MYO3A: variants seen among roughly 807,000 people sequenced by gnomAD.
MYO3A encodes myosin IIIA.
In MYO3A, 180 loss-of-function variants were observed where a neutral mutation model predicts 192.7. The observed-to-expected ratio is 0.93, with a 90% CI of 0.83 to 1.06. The LOEUF is 1.06. MYO3A is among the 50% of genes least tolerant of loss of function. The pLI, the probability that MYO3A is intolerant of heterozygous loss-of-function variation, is 0.00. For missense variants in MYO3A, 1,896 were observed against 1,905.0 expected, an observed-to-expected ratio of 1.00 and a Z score of 0.09; for synonymous variants, 628 against 645.3, an observed-to-expected ratio of 0.97 and a Z score of 0.41.
intron 10 of MYO3A, among the ~76,000 whole-genome samples, chr10:26,058,135 C>T (rs1465390755): frequency 6.6e-6 from 1 of 152,324 alleles, no homozygotes; most frequent in East Asian, 1.9e-4. Context: ...TGTTCTCTGC[C>T]TATTCATCTC....
At chr10:25,942,985 G>A (rs1332323410) in intron 2 of MYO3A, among the ~76,000 whole-genome samples, 2 of 151,338 alleles carry the variant, frequency 1.3e-5, no homozygotes, top group African/African-American at 2.4e-5. Flanking sequence ...TCTTCTGCTT[G>A]TGCTTTTGGT....
chr10:26,109,832 G>A (rs1026416631), intron 17 of MYO3A, among the ~76,000 whole-genome samples: 3 of 152,156 alleles, frequency 2.0e-5, no homozygotes, highest in Admixed American at 1.3e-4. Context: ...GTTTCTAGAG[G>A]AATTAATTGC....
At chr10:25,977,589 T>G (rs1434074715) in intron 4 of MYO3A, among the ~76,000 whole-genome samples, 1 of 152,178 alleles carries the variant, frequency 6.6e-6, no homozygotes, top group African/African-American at 2.4e-5. Context: ...CCCTAATCTC[T>G]TAAAAATTAA....
chr10:26,095,339 C>G (rs904208148), intron 15 of MYO3A, among the ~76,000 whole-genome samples: 4 of 152,098 alleles, frequency 2.6e-5, no homozygotes, highest in African/African-American at 9.7e-5. Flanking sequence ...GCCTGTGAGC[C>G]TGGTGATAAT....
At chr10:26,040,534 AT>A (rs1339284445) in intron 10 of MYO3A, among the ~76,000 whole-genome samples, 1 of 152,160 alleles carries the variant, frequency 6.6e-6, no homozygotes, top group East Asian at 1.9e-4. Flanking sequence ...ATAGAATGTT[AT>A]CTTTTGTTTC....
chr10:26,007,787 C>T (rs567119459), intron 6 of MYO3A, among the ~76,000 whole-genome samples: 17 of 150,990 alleles, frequency 1.1e-4, no homozygotes, highest in South Asian at 6.3e-4. Flanking sequence ...GAATCAATAT[C>T]GTGAAAATGG....
intron 4 of MYO3A, among the ~76,000 whole-genome samples, chr10:25,968,803 C>T (rs1838422287): frequency 6.6e-6 from 1 of 152,198 alleles, no homozygotes; most frequent in East Asian, 1.9e-4. Context: ...CTGCTCCATC[C>T]CACCCAGAAT....
chr10:26,159,370 T>G (rs1052932300), intron 26 of MYO3A, among the ~76,000 whole-genome samples: 1 of 149,722 alleles, frequency 6.7e-6, no homozygotes, highest in Non-Finnish European at 1.5e-5. Context: ...TTTCTTTTTT[T>G]TTTTTTTTAG....
chr10:26,112,991 C>G (rs575876197), intron 17 of MYO3A, among the ~76,000 whole-genome samples: 72 of 152,172 alleles, frequency 4.7e-4, no homozygotes, highest in African/African-American at 1.4e-3. Flanking sequence ...GATGAGAATG[C>G]CTTTTTTCTG....
chr10:26,013,658 G>A (rs956632443), intron 6 of MYO3A, among the ~76,000 whole-genome samples: 4 of 151,962 alleles, frequency 2.6e-5, no homozygotes, highest in Admixed American at 6.6e-5. Context: ...ATACTTACAC[G>A]CTGCTGGTGA....
intron 10 of MYO3A, among the ~76,000 whole-genome samples, chr10:26,065,558 C>T (rs949143871): frequency 7.3e-6 from 1 of 136,514 alleles, no homozygotes; most frequent in Admixed American, 8.2e-5. Context: ...GCATTCCAGC[C>T]TGGGTGACAG....
At chr10:26,099,959 T>C (rs189048609) in intron 17 of MYO3A, among the ~76,000 whole-genome samples, 1 of 152,344 alleles carries the variant, frequency 6.6e-6, no homozygotes, top group East Asian at 1.9e-4. Flanking sequence ...TCTTTTTCTA[T>C]TGATAGGAAT....
intron 4 of MYO3A, among the ~76,000 whole-genome samples, chr10:25,989,367 T>A (rs1390092797): frequency 1.3e-5 from 2 of 152,062 alleles, no homozygotes; most frequent in African/African-American, 4.8e-5. Flanking sequence ...GTGGAGCCAG[T>A]CTGACCTTTT....
At chr10:26,002,717 A>AGTCAGGGTGGACCAGAT (rs1554800223) in intron 6 of MYO3A, among the ~76,000 whole-genome samples, 3 of 149,610 alleles carry the variant, frequency 2.0e-5, no homozygotes, top group Admixed American at 6.6e-5. Flanking sequence ...GAGGTAATTG[A>AGTCAGGGTGGACCAGAT]AAAAGGTTGC....
intron 31 of MYO3A, among the ~76,000 whole-genome samples, chr10:26,184,087 C>A (rs1216998939): frequency 1.3e-5 from 2 of 152,120 alleles, no homozygotes; most frequent in Non-Finnish European, 2.9e-5. Flanking sequence ...ACATGTCCGT[C>A]GGTGCTAAAG....
chr10:25,957,807 C>T (rs1277371896), intron 4 of MYO3A, among the ~76,000 whole-genome samples: 1 of 152,136 alleles, frequency 6.6e-6, no homozygotes, highest in African/African-American at 2.4e-5. Flanking sequence ...GAGACGGTAT[C>T]TCATTGTGTT....
intron 10 of MYO3A, among the ~76,000 whole-genome samples, chr10:26,039,458 A>G (rs1214188876): frequency 3.3e-5 from 5 of 151,792 alleles, no homozygotes; most frequent in African/African-American, 1.2e-4. Context: ...TTTGAGGAGG[A>G]TTGGCATTAG....
At chr10:26,019,460 G>C (rs1469981592) in intron 7 of MYO3A, among the ~76,000 whole-genome samples, 1 of 151,912 alleles carries the variant, frequency 6.6e-6, no homozygotes, top group East Asian at 1.9e-4. Flanking sequence ...GGAACTACAG[G>C]CAACTGCCAC....
At position 26,212,263 on chromosome 10, in the gene MYO3A, T is replaced by C. The variant is rs1844258987; in HGVS notation, c.*300T>C. The C allele has an allele frequency of 2.2e-6, 1 of 448,980 alleles. No individual in the cohort carries two copies. The highest frequency in any genetic ancestry group is 5.8e-4 in the Middle Eastern group (1 of 1,716). 27.8% of individuals were successfully genotyped at this position (448,980 alleles called of 1,614,324 possible). ...GTCCTTGTTCCCCTAATCTATCACT[T>C]TGTTCTTTTTTTTTGTGACTCCTGT... On this transcript the variant is annotated 3_prime_UTR_variant, in exon 35 of 35. Transcript: ENST00000642920.
Sources: allele counts gnomAD v4.1 joint callset (sites outside exome capture counted in the v4.1 genomes callset), GRCh38; gene constraint gnomAD v4.1.1; transcripts MANE v1.5; gene names NCBI Gene and HGNC (gene_info 2026-07-23, HGNC 2026-07-21).